The following PDE1A variants were observed in gnomAD, a reference collection of about 807,000 sequenced individuals.
PDE1A encodes the protein phosphodiesterase 1A, also known as dual specificity calcium/calmodulin-dependent 3',5'-cyclic nucleotide phosphodiesterase 1A.
PDE1A carries 35 observed loss-of-function variants against 61.7 expected under a neutral mutation model. The observed-to-expected ratio is 0.57, with a 90% CI of 0.43 to 0.75. The LOEUF (loss-of-function observed/expected upper bound fraction) is 0.75, where lower values mean the gene tolerates loss of function less well. Among genes scored for constraint, PDE1A ranks in the 30% least tolerant of loss-of-function variants. PDE1A has a pLI of 0.00. For missense variants in PDE1A, 597 were observed against 630.6 expected, an observed-to-expected ratio of 0.95 and a Z score of 0.57; for synonymous variants, 232 against 213.2, an observed-to-expected ratio of 1.09 and a Z score of -0.77.
chr2:182,349,607 A>G (rs1308388838), intron 1 of PDE1A, among the ~76,000 whole-genome samples: 1 of 152,174 alleles, frequency 6.6e-6, no homozygotes, highest in Non-Finnish European at 1.5e-5. Context: ...CCAAAGTCAT[A>G]GCCTTCTAGA....
intron 13 of PDE1A, among the ~76,000 whole-genome samples, chr2:182,175,257 C>T (rs182072687): frequency 6.6e-6 from 1 of 150,646 alleles, no homozygotes; most frequent in East Asian, 2.0e-4. Context: ...TGGGTACATA[C>T]CACTGTCTTC....
chr2:182,665,218 T>C, the PDE1A span, among the ~76,000 whole-genome samples: 2 of 152,120 alleles, frequency 1.3e-5, no homozygotes, highest in Non-Finnish European at 2.9e-5. Flanking sequence ...AAAACAAAAA[T>C]TGACAATGGG....
At chr2:182,454,127 G>C (rs538216304) in intron 2 of PDE1A, among the ~76,000 whole-genome samples, 1 of 152,178 alleles carries the variant, frequency 6.6e-6, no homozygotes, top group East Asian at 1.9e-4. Flanking sequence ...ACGAATAACA[G>C]ACAAACAGAG....
At position 182,408,274 on chromosome 2, in the gene PDE1A, C is replaced by T. The variant is rs542789749; in HGVS notation, c.53+18304G>A. ...TCCAAGCTATTTGGAAATGACATAC[C>T]TGGACTACCCATGGATTTTGCAGTT... is the stretch of plus-strand genomic sequence containing the variant. On this transcript the variant is annotated intron_variant, in intron 1 of 13. Transcript: ENST00000351439. Among the ~76,000 whole-genome samples the T allele has an allele frequency of 3.3e-5, 5 of 151,376 alleles. 1 individual carries two copies. Among genetic ancestry groups the T allele is most frequent in the African/African-American group, 9.7e-5 (4 of 41,266 alleles).
At chr2:182,231,622 G>A (rs1313919420) in intron 4 of PDE1A, among the ~76,000 whole-genome samples, 1 of 151,932 alleles carries the variant, frequency 6.6e-6, no homozygotes, top group Non-Finnish European at 1.5e-5. Context: ...CCTGTTTTAA[G>A]ATGTAAATAT....
intron 3 of PDE1A, among the ~76,000 whole-genome samples, chr2:182,236,333 GT>G (rs1231732666): frequency 4.7e-5 from 7 of 150,304 alleles, no homozygotes; most frequent in Non-Finnish European, 1.5e-5. Context: ...ACTATCAACA[GT>G]GATACTCAGG....
At chr2:182,435,099 C>T (rs1704143583) in intron 2 of PDE1A, among the ~76,000 whole-genome samples, 1 of 151,984 alleles carries the variant, frequency 6.6e-6, no homozygotes, top group South Asian at 2.1e-4. Context: ...GCCTTAAGTG[C>T]TGCCCATCAA....
At chr2:182,686,240 C>T in the PDE1A span, among the ~76,000 whole-genome samples, 1 of 152,060 alleles carries the variant, frequency 6.6e-6, no homozygotes, top group Non-Finnish European at 1.5e-5. Context: ...GATTTTTCTT[C>T]TTTAATCTGC....
chr2:182,604,922 G>A, the PDE1A span, among the ~76,000 whole-genome samples: 1 of 152,012 alleles, frequency 6.6e-6, no homozygotes, highest in East Asian at 1.9e-4. Flanking sequence ...GAAGAAAATA[G>A]AAAAGTGAAC....
intron 1 of PDE1A, among the ~76,000 whole-genome samples, chr2:182,285,818 C>A (rs1198881199): frequency 6.6e-6 from 1 of 152,060 alleles, no homozygotes; most frequent in East Asian, 1.9e-4. Context: ...CCCAGATGAT[C>A]TTAGCTGAGT....
intron 13 of PDE1A, among the ~76,000 whole-genome samples, chr2:182,174,948 T>C (rs1692596288): frequency 6.6e-6 from 1 of 152,108 alleles, no homozygotes; most frequent in East Asian, 1.9e-4. Flanking sequence ...CCTGTGTCCA[T>C]GTGTTCTCAT....
rs558158941 is a variant in PDE1A at position 182,388,210 on chromosome 2, G to A, written c.53+38368C>T. Reference sequence around the variant, plus strand: ...AAATATTAATAGATCTGAAGAGAGAGACACACTGCAATACAATAATAGTAG... The same window carrying A: ...AAATATTAATAGATCTGAAGAGAGAAACACACTGCAATACAATAATAGTAG... On this transcript the variant is annotated intron_variant, in intron 1 of 13. Transcript: ENST00000351439. 2.0e-5 allele frequency among the ~76,000 whole-genome samples: 3 copies of A among 152,094 alleles called. No individual in the cohort carries two copies. In the East Asian group the frequency reaches 5.8e-4, roughly 29 times the overall value.
intron 1 of PDE1A, among the ~76,000 whole-genome samples, chr2:182,416,187 CA>C (rs1702907116): frequency 6.6e-6 from 1 of 152,172 alleles, no homozygotes; most frequent in Non-Finnish European, 1.5e-5. Context: ...GGATTCTACA[CA>C]CCTACAAATT....
the PDE1A span, among the ~76,000 whole-genome samples, chr2:182,629,406 TACC>T: frequency 1.2e-4 from 18 of 152,296 alleles, no homozygotes; most frequent in Non-Finnish European, 2.6e-4. Flanking sequence ...TCCACATTAC[TACC>T]ACCACCACCA....
At chr2:182,418,267 A>G (rs545296512) in intron 1 of PDE1A, among the ~76,000 whole-genome samples, 3 of 152,342 alleles carry the variant, frequency 2.0e-5, no homozygotes, top group Admixed American at 6.5e-5. Context: ...ACACTTGGTA[A>G]AAATCAATTA....
At chr2:182,471,492 TA>T (rs1687025855) in intron 2 of PDE1A, among the ~76,000 whole-genome samples, 1 of 151,696 alleles carries the variant, frequency 6.6e-6, no homozygotes, top group African/African-American at 2.4e-5. Flanking sequence ...TTTTTGAGTG[TA>T]GGATAGAAGG....
chr2:182,656,496 T>TGAG, the PDE1A span, among the ~76,000 whole-genome samples: 1 of 152,150 alleles, frequency 6.6e-6, no homozygotes, highest in Non-Finnish European at 1.5e-5. Context: ...CTATACTGGA[T>TGAG]GAGGTATCAG....
intron 10 of PDE1A, among the ~76,000 whole-genome samples, chr2:182,191,805 G>C (rs1685713920): frequency 6.7e-6 from 1 of 150,230 alleles, no homozygotes; most frequent in Non-Finnish European, 1.5e-5. Flanking sequence ...GCCCCAAAAT[G>C]ATAACTTTGG....
At chr2:182,511,907 G>A (rs534649192) in intron 2 of PDE1A, among the ~76,000 whole-genome samples, 43 of 152,188 alleles carry the variant, frequency 2.8e-4, no homozygotes, top group East Asian at 3.9e-4. Context: ...CCCATCTGCC[G>A]CTTCCCCTAC....
Sources: allele counts gnomAD v4.1 joint callset (sites outside exome capture counted in the v4.1 genomes callset), GRCh38; gene constraint gnomAD v4.1.1; transcripts MANE v1.5; gene names NCBI Gene and HGNC (gene_info 2026-07-23, HGNC 2026-07-21).